CTR9: variants seen among roughly 807,000 people sequenced by gnomAD.
CTR9 encodes the protein RNA polymerase-associated protein CTR9 homolog.
In CTR9, 41 loss-of-function variants were observed where a neutral mutation model predicts 152.1. That is an observed-to-expected ratio of 0.27 (90% CI 0.21 to 0.35). The LOEUF is 0.35. Among genes scored for constraint, CTR9 ranks in the 10% least tolerant of loss-of-function variants. CTR9 has a pLI of 1.00. For missense variants in CTR9, 917 were observed against 1,424.4 expected (o/e 0.64, Z 5.73); for synonymous variants, 476 against 496.2 (o/e 0.96, Z 0.54).
chr11:10,778,909 C>T lies in CTR9; in HGVS notation c.3326C>T (p.Ser1109Leu). Residue 1109 changes from serine to leucine, a missense_variant, in exon 25 of 25, where the codon TCA becomes TTA. Physicochemically the swap from Ser to Leu is moderately radical, Grantham distance 145. This residue lies in a region of CTR9 where 384 missense variants were observed against 398.4 expected (regional missense o/e 0.96). Coordinates refer to ENST00000361367, the MANE Select transcript of CTR9 (RefSeq NM_014633.5). ...CAGTCTGACAATGAATCTGTGCAGT[C>T]AGGGAGAAGCCACTCAGGAGTTTCT... ...SEQSDNESVQSGRSHSGVSEN... is the reference protein window; with the variant it reads ...SEQSDNESVQLGRSHSGVSEN... 5 of 1,614,184 alleles carry T rather than the reference C, an allele frequency of 3.1e-6. No individual in the cohort carries two copies. The highest frequency in any genetic ancestry group is 4.2e-6 in the Non-Finnish European group (5 of 1,180,032).
chr11:10,752,799 A>C (rs921439546), intron 2 of CTR9, 29 bp downstream of exon 2: 7 of 1,539,812 alleles, frequency 4.5e-6, no homozygotes, highest in Non-Finnish European at 6.3e-6. Context: ...AATATTTTTT[A>C]TTTGTTGACT....
intron 6 of CTR9, among the ~76,000 whole-genome samples, chr11:10,761,192 A>T: frequency 6.6e-6 from 1 of 152,296 alleles, no homozygotes; most frequent in East Asian, 1.9e-4. Flanking sequence ...CAATTGTGAT[A>T]ACCAAACATG....
chr11:10,778,224 A>T (rs192053485), intron 24 of CTR9, among the ~76,000 whole-genome samples: 69 of 152,284 alleles, frequency 4.5e-4, no homozygotes, highest in African/African-American at 1.6e-3. Context: ...AGGACAGGGA[A>T]ATGTCCTTTG....
intron 24 of CTR9, among the ~76,000 whole-genome samples, chr11:10,778,463 CT>C (rs1159238104): frequency 5.9e-5 from 9 of 152,150 alleles, no homozygotes; most frequent in East Asian, 1.9e-4. Context: ...AGTGCCTTAT[CT>C]TTTTTTCCTT....
intron 24 of CTR9, among the ~76,000 whole-genome samples, chr11:10,778,150 T>G (rs1338719139): frequency 1.3e-5 from 2 of 152,178 alleles, no homozygotes; most frequent in Admixed American, 6.5e-5. Context: ...CCTAGTGCAG[T>G]AGCAAATCTT....
chr11:10,760,862 G>A (rs1194513529), intron 6 of CTR9, among the ~76,000 whole-genome samples: 1 of 152,110 alleles, frequency 6.6e-6, no homozygotes, highest in Non-Finnish European at 1.5e-5. Context: ...TCTTCATCAT[G>A]TCTGTCACCT....
At position 10,774,129 on chromosome 11, in the gene CTR9, G is replaced by C; in HGVS notation, c.2845G>C (p.Asp949His). The change falls in exon 22 of 25, where the codon GAT (aspartate) becomes CAT (histidine). Residue 949 changes from aspartate to histidine, a missense_variant. Coordinates refer to ENST00000361367, the MANE Select transcript of CTR9 (RefSeq NM_014633.5). ...TAGTGGCAGTGAACAAGAAGGTGAA[G>C]ATGAGGAGGGTGGTGAGAGAAAGAA... ...KGSGSEQEGEDEEGGERKKKK... is the reference protein window; with the variant it reads ...KGSGSEQEGEHEEGGERKKKK... 1 of 1,605,398 alleles carries C rather than the reference G, an allele frequency of 6.2e-7. No homozygotes were observed. The highest frequency in any genetic ancestry group is 8.5e-7 in the Non-Finnish European group (1 of 1,172,172).
chr11:10,769,284 A>G (rs964688142), intron 16 of CTR9, among the ~76,000 whole-genome samples: 1 of 152,230 alleles, frequency 6.6e-6, no homozygotes, highest in Non-Finnish European at 1.5e-5. Flanking sequence ...GAATTTTTTT[A>G]TGCTTACATT....
rs766307708 is a variant in CTR9, at chr11:10,763,696, A to G, written c.1011A>G (p.Ser337=). 6.2e-7 allele frequency: 1 copy of G among 1,614,022 alleles called. No homozygotes were observed. Among genetic ancestry groups the G allele is most frequent in the Non-Finnish European group, 8.5e-7 (1 of 1,179,992 alleles). The change falls in exon 9 of 25, where the codon TCA becomes TCG. Residue 337 remains serine, a synonymous_variant. Coordinates refer to ENST00000361367, the MANE Select transcript of CTR9 (RefSeq NM_014633.5). ...ATTATCAAGCCACACAGTTTGCCTC[A>G]TCCTCTTTTGTGCTCCCATTTTTTG... is the stretch of plus-strand genomic sequence containing the variant. ...QYYYQATQFA[S]SSFVLPFFGL...
At position 10,751,305 on chromosome 11, in the gene CTR9, A is replaced by G. The variant is rs1396676778; in HGVS notation, c.-108A>G. ...AGCTCCAGCGGCGCCGCGGGGCGGC[A>G]GTCAAGACCAGAGCCGGAGCCGTCA... On this transcript the variant is annotated 5_prime_UTR_variant, in exon 1 of 25. Transcript: ENST00000361367. 2 of 1,168,620 alleles carry G rather than the reference A, an allele frequency of 1.7e-6. No homozygotes were observed. The highest frequency in any genetic ancestry group is 1.3e-6 in the Non-Finnish European group (1 of 794,188). The allele number at this position is 1,168,620 out of a possible 1,614,324, so 72.4% of individuals were successfully genotyped here.
chr11:10,778,941 G>C lies in CTR9; in HGVS notation c.3358G>C (p.Asp1120His). ...AAGCCACTCAGGAGTTTCTGAGAAC[G>C]ACTCTCGCCCAGCTTCTCCAAGTGC... is the stretch of plus-strand genomic sequence containing the variant. The part of the protein sequence containing the change: ...GRSHSGVSEN[D>H]SRPASPSAES... Residue 1120 changes from aspartate (D) to histidine (H), a missense_variant, in exon 25 of 25, where the codon GAC (aspartate) becomes CAC (histidine). Asp to His is a moderately conservative substitution (Grantham distance 81, BLOSUM62 -1). Around this residue, in one of 9 missense-constraint regions of CTR9, gnomAD observed 384 missense variants for 398.4 expected, o/e 0.96. Coordinates refer to ENST00000361367, the MANE Select transcript of CTR9 (RefSeq NM_014633.5). 1 of 1,614,118 alleles carries C rather than the reference G, an allele frequency of 6.2e-7. No individual in the cohort carries two copies. The highest frequency in any genetic ancestry group is 8.5e-7 in the Non-Finnish European group (1 of 1,180,022).
intron 7 of CTR9, 116 bp downstream of exon 7, chr11:10,762,170 C>A: frequency 1.5e-6 from 1 of 673,686 alleles, no homozygotes; most frequent in Non-Finnish European, 2.5e-6. Context: ...TTCCCCCCTC[C>A]AAATTATAGA....
At chr11:10,754,916 A>G (rs1051431161) in intron 2 of CTR9, 42 bp from the exon 3 acceptor site, 1 of 1,585,556 alleles carries the variant, frequency 6.3e-7, no homozygotes. Flanking sequence ...TTTTATATGG[A>G]CATATGCTTT....
rs981746207 is a variant in CTR9 at position 10,778,736 on chromosome 11, A to T, written c.3153A>T (p.Lys1051Asn). The change falls in exon 25 of 25, where the codon AAA becomes AAT. Residue 1051 changes from lysine (K) to asparagine (N), a missense_variant. Around this residue, in one of 9 missense-constraint regions of CTR9, gnomAD observed 384 missense variants for 398.4 expected, o/e 0.96. Transcript: ENST00000361367. ...CAGACGAGGACGAACAACGAAAGAA[A>T]TGTGCCTCATCAGAGAGTGATTCCG... Reference protein sequence around the residue: ...SDSDEDEQRKKCASSESDSDE... With the variant: ...SDSDEDEQRKNCASSESDSDE... 5.0e-6 allele frequency: 8 copies of T among 1,614,060 alleles called. No individual in the cohort carries two copies. Among genetic ancestry groups the T allele is most frequent in the Non-Finnish European group, 6.8e-6 (8 of 1,180,024 alleles).
At chr11:10,757,821 G>A (rs1337732653) in intron 5 of CTR9, among the ~76,000 whole-genome samples, 1 of 152,116 alleles carries the variant, frequency 6.6e-6, no homozygotes, top group East Asian at 1.9e-4. Context: ...CTACCAGTAA[G>A]AGCCAAGGAG....
intron 5 of CTR9, among the ~76,000 whole-genome samples, chr11:10,758,241 T>C (rs1254963961): frequency 3.9e-5 from 6 of 152,088 alleles, no homozygotes; most frequent in Non-Finnish European, 8.8e-5. Flanking sequence ...ATCTGACCTA[T>C]ATTTAAAAGG....
chr11:10,774,323 C>T lies in CTR9; in HGVS notation c.2885+154C>T, dbSNP rs754770392. On this transcript the variant is annotated intron_variant, in intron 22 of 24. Coordinates refer to ENST00000361367, the MANE Select transcript of CTR9 (RefSeq NM_014633.5). ...CTTCCTACTTTAATCCTAAGATAGACCCCAGTACAAAATCCACTGAGTACC... is the reference window on the plus strand; with the variant it reads ...CTTCCTACTTTAATCCTAAGATAGATCCCAGTACAAAATCCACTGAGTACC... 1.1e-4 allele frequency: 95 copies of T among 841,576 alleles called. No individual in the cohort carries two copies. The African/African-American group carries it at 1.4e-3, about 12-fold the overall frequency. The allele number at this position is 841,576 out of a possible 1,614,324, so 52.1% of individuals were successfully genotyped here. A position where few individuals can be genotyped will look rare whatever the true frequency, so the allele number is the denominator to read the frequency against.
In CTR9 at chr11:10,754,970, A is replaced by T; in HGVS notation, c.157A>T (p.Lys53Ter). The T allele has an allele frequency of 6.2e-7, 1 of 1,613,744 alleles. No individual in the cohort carries two copies. Among genetic ancestry groups the T allele is most frequent in the Non-Finnish European group, 8.5e-7 (1 of 1,179,878 alleles). ...IWIALALEYYKQGKTEEFVKL... is the reference protein window; with the variant it reads ...IWIALALEYY ...CATTACCTTATAGCTGGAATACTAC[A>T]AGCAAGGAAAAACAGAAGAGTTTGT... is the stretch of plus-strand genomic sequence containing the variant. Residue 53 changes from lysine to a stop codon, truncating the protein, a stop_gained, in exon 3 of 25, where the codon AAG (lysine) becomes TAG (stop). Coordinates refer to ENST00000361367, the MANE Select transcript of CTR9 (RefSeq NM_014633.5). LOFTEE classifies it high-confidence loss of function.
chr11:10,762,866 A>G (rs993795739), intron 7 of CTR9, among the ~76,000 whole-genome samples: 8 of 151,778 alleles, frequency 5.3e-5, no homozygotes, highest in Non-Finnish European at 1.2e-4. Context: ...TTAGCTGGAC[A>G]TGGTGGCACA....
Sources: gnomAD v4.1 joint callset for allele counts (sites outside exome capture counted in the v4.1 genomes callset) on GRCh38, gnomAD v4.1.1 for gene constraint, gnomAD v4.1.1 regional missense constraint, MANE v1.5 for transcripts, NCBI Gene and HGNC (gene_info 2026-07-23, HGNC 2026-07-21) for gene names.